Variants in KDM6A observed in about 807,000 individuals in gnomAD.
The protein encoded by KDM6A is lysine-specific demethylase 6A.
KDM6A carries 11 observed loss-of-function variants against 117.6 expected under a neutral mutation model. The ratio of observed to expected loss-of-function variants is 0.09; its 90% CI spans 0.06 to 0.15. KDM6A has a LOEUF of 0.15. Among genes scored for constraint, KDM6A ranks in the 10% least tolerant of loss-of-function variants. The pLI is 1.00. For synonymous variants in KDM6A, 384 were observed against 396.1 expected (o/e 0.97, Z 0.36); for missense variants, 799 against 1,077.3 (o/e 0.74, Z 3.62).
At chrX:45,016,646 C>T (rs181072817) in intron 5 of KDM6A, among the ~76,000 whole-genome samples, 1 of 110,707 alleles carries the variant, frequency 9.0e-6, no homozygotes, top group East Asian at 2.9e-4. Context: ...ACTACAGGCG[C>T]GTGCCACCAC....
Position 45,062,664 on chromosome X carries a change from C to T in KDM6A, c.1599C>T (p.Arg533=), listed in dbSNP as rs148954080. 8 of 1,203,588 alleles carry T rather than the reference C, an allele frequency of 6.6e-6. No individual in the cohort carries two copies. Among genetic ancestry groups the T allele is most frequent in the East Asian group, 3.0e-5 (1 of 33,743 alleles). The part of the protein sequence containing the change: ...PQKLQHLEQL[R]ANRNNLNPAQ... ...TCTTCTAGCATTTGGAACAGCTCCG[C>T]GCAAATAGAAATAATTTAAATCCAG... The change falls in exon 16 of 30, where the codon CGC becomes CGT. Residue 533 remains arginine, a synonymous_variant. Coordinates refer to ENST00000611820, the MANE Select transcript of KDM6A (RefSeq NM_001291415.2).
chrX:45,093,435 A>G (rs776160167), intron 27 of KDM6A, among the ~76,000 whole-genome samples: 1 of 110,045 alleles, frequency 9.1e-6, no homozygotes, highest in South Asian at 3.9e-4. Flanking sequence ...TGTGTGTGGA[A>G]TGAGTTCCAA....
intron 2 of KDM6A, among the ~76,000 whole-genome samples, chrX:44,922,491 C>CAA (rs1197119443): frequency 9.0e-6 from 1 of 111,538 alleles, no homozygotes; most frequent in East Asian, 2.8e-4. Flanking sequence ...TTGTTTGAAA[C>CAA]AGAGTCTTGC....
At chrX:45,056,517 C>T (rs183622446) in intron 10 of KDM6A, among the ~76,000 whole-genome samples, 1 of 112,148 alleles carries the variant, frequency 8.9e-6, no homozygotes, top group African/African-American at 3.2e-5. Context: ...ACTGTGTTAT[C>T]ACAGAACTAT....
At chrX:45,005,970 C>A (rs2041434672) in intron 4 of KDM6A, among the ~76,000 whole-genome samples, 2 of 53,795 alleles carry the variant, frequency 3.7e-5, no homozygotes, top group Admixed American at 2.0e-4. Context: ...CACCCCCCCA[C>A]CCCCCCCACC....
chrX:45,065,596 C>T (rs750260028), intron 17 of KDM6A, among the ~76,000 whole-genome samples: 77 of 111,493 alleles, frequency 6.9e-4, no homozygotes, highest in African/African-American at 2.4e-3. Context: ...TGGTCAGCTT[C>T]TGGGTATATT....
intron 5 of KDM6A, among the ~76,000 whole-genome samples, chrX:45,012,294 G>A (rs1556121712): frequency 2.0e-5 from 2 of 99,436 alleles, no homozygotes; most frequent in South Asian, 1.0e-3. Context: ...TCCGCCTCCC[G>A]GGTTCAAGCG....
intron 27 of KDM6A, among the ~76,000 whole-genome samples, chrX:45,105,311 C>G: frequency 8.9e-6 from 1 of 111,918 alleles, no homozygotes; most frequent in East Asian, 2.8e-4. Context: ...ACCTTTCTCC[C>G]AGGGTTGTTA....
intron 2 of KDM6A, among the ~76,000 whole-genome samples, chrX:44,914,141 A>T (rs1272930902): frequency 9.0e-6 from 1 of 111,632 alleles, no homozygotes; most frequent in African/African-American, 3.3e-5. Flanking sequence ...CTGAGAGATC[A>T]TTTGTTCCCG....
At chrX:44,899,286 A>G (rs1289493552) in intron 2 of KDM6A, among the ~76,000 whole-genome samples, 1 of 98,001 alleles carries the variant, frequency 1.0e-5, no homozygotes, top group Non-Finnish European at 2.0e-5. Context: ...ATTTAGCTCA[A>G]GTAAGATGGG....
At chrX:45,044,988 C>T (rs1300602481) in intron 8 of KDM6A, among the ~76,000 whole-genome samples, 4 of 111,060 alleles carry the variant, frequency 3.6e-5, no homozygotes, top group Non-Finnish European at 7.6e-5. Context: ...AAGTATTTTA[C>T]ACGAATCCAA....
At chrX:44,954,493 A>G (rs2038205160) in intron 2 of KDM6A, among the ~76,000 whole-genome samples, 4 of 112,299 alleles carry the variant, frequency 3.6e-5, no homozygotes, top group Admixed American at 1.9e-4. Context: ...GGATTACTGC[A>G]ACAAATTCTT....
At chrX:45,047,695 T>C (rs2043628358) in intron 8 of KDM6A, among the ~76,000 whole-genome samples, 1 of 74,008 alleles carries the variant, frequency 1.4e-5, no homozygotes, top group Non-Finnish European at 2.5e-5. Flanking sequence ...TTTTTTTTTT[T>C]TTTTTTTTGA....
At chrX:44,975,065 G>A (rs1018128406) in intron 4 of KDM6A, among the ~76,000 whole-genome samples, 2 of 111,642 alleles carry the variant, frequency 1.8e-5, no homozygotes, top group East Asian at 5.6e-4. Context: ...CTGAAGACGT[G>A]TATATCAGGC....
intron 5 of KDM6A, among the ~76,000 whole-genome samples, chrX:45,017,160 G>A (rs180890710): frequency 7.1e-5 from 8 of 112,063 alleles, no homozygotes; most frequent in African/African-American, 1.3e-4. Context: ...CTTTTGTTTC[G>A]TTAGAGAATA....
chrX:44,908,480 A>G (rs1394051628), intron 2 of KDM6A, among the ~76,000 whole-genome samples: 1 of 111,848 alleles, frequency 8.9e-6, no homozygotes, highest in Non-Finnish European at 1.9e-5. Flanking sequence ...AAGGATGTGT[A>G]GAAGGGTGGG....
intron 27 of KDM6A, among the ~76,000 whole-genome samples, chrX:45,106,301 A>G (rs1283082011): frequency 1.8e-5 from 2 of 111,253 alleles, no homozygotes; most frequent in African/African-American, 6.5e-5. Context: ...GTTAATATAC[A>G]CGGGTTCTGA....
chrX:44,875,864 A>G (rs191043356), intron 2 of KDM6A, among the ~76,000 whole-genome samples: 152 of 112,123 alleles, frequency 1.4e-3, no homozygotes, highest in African/African-American at 4.4e-3. Flanking sequence ...TAGAATGCTC[A>G]TATTCATATA....
intron 4 of KDM6A, among the ~76,000 whole-genome samples, chrX:44,978,383 T>C (rs2039720049): frequency 8.9e-6 from 1 of 112,473 alleles, no homozygotes; most frequent in African/African-American, 3.2e-5. Context: ...CTGTGCATTT[T>C]GTGGCATGCT....
Sources: allele counts gnomAD v4.1 joint callset (sites outside exome capture counted in the v4.1 genomes callset), GRCh38; gene constraint gnomAD v4.1.1; transcripts MANE v1.5; gene names NCBI Gene and HGNC (gene_info 2026-07-23, HGNC 2026-07-21).